The following ACSM4 variants were observed in gnomAD, a reference collection of about 807,000 sequenced individuals.
ACSM4 encodes the protein acyl-coenzyme A synthetase ACSM4, mitochondrial.
ACSM4 carries 66 observed loss-of-function variants against 73.0 expected under a neutral mutation model. That is an observed-to-expected ratio of 0.90 (90% CI 0.74 to 1.11). The LOEUF (loss-of-function observed/expected upper bound fraction) is 1.11, where lower values mean the gene tolerates loss of function less well. ACSM4 is among the 50% of genes least tolerant of loss of function. The pLI, the probability that ACSM4 is intolerant of heterozygous loss-of-function variation, is 0.00. For synonymous variants in ACSM4, 222 were observed against 254.0 expected (o/e 0.87, Z 1.20); for missense variants, 645 against 714.4 (o/e 0.90, Z 1.11).
intron 6 of ACSM4, 91 bp downstream of exon 6, chr12:7,320,895 C>G: frequency 9.1e-7 from 1 of 1,104,558 alleles, no homozygotes. Context: ...ATAGCTCAGG[C>G]TTTCTCAGTC....
intron 3 of ACSM4, among the ~76,000 whole-genome samples, chr12:7,316,112 A>C (rs148191165): frequency 6.6e-6 from 1 of 152,220 alleles, no homozygotes. Flanking sequence ...ATGGCATACA[A>C]GGATGATTTG....
chr12:7,321,885 A>T (rs1308039985), intron 6 of ACSM4, among the ~76,000 whole-genome samples: 1 of 152,226 alleles, frequency 6.6e-6, no homozygotes, highest in African/African-American at 2.4e-5. Flanking sequence ...AATGTAAGTG[A>T]CATGCTTGGT....
At chr12:7,317,545 A>G (rs1002665747) in intron 4 of ACSM4, among the ~76,000 whole-genome samples, 2 of 152,164 alleles carry the variant, frequency 1.3e-5, no homozygotes, top group Non-Finnish European at 2.9e-5. Flanking sequence ...AGGAAGGCCT[A>G]CCCAGAAAGG....
At position 7,310,539 on chromosome 12, in the gene ACSM4, G is replaced by T. The variant is rs371224562; in HGVS notation, c.413G>T (p.Gly138Val). 1 of 1,602,626 alleles carries T rather than the reference G, an allele frequency of 6.2e-7. No individual in the cohort carries two copies. The highest frequency in any genetic ancestry group is 8.5e-7 in the Non-Finnish European group (1 of 1,176,090). Residue 138 changes from glycine (G) to valine (V), a missense_variant and splice_region_variant, in exon 3 of 13, where the codon GGG (glycine) becomes GTG (valine). Transcript: ENST00000399422. Reference protein sequence around the residue: ...WLVNVACIRTGIIFMPGTIQL... With the variant: ...WLVNVACIRTVIIFMPGTIQL... ...GTGCAGGGCCCTCTGTCCTTCCCAG[G>T]GATCATCTTCATGCCGGGAACAATC...
intron 3 of ACSM4, among the ~76,000 whole-genome samples, chr12:7,316,804 AC>A (rs780164323): frequency 1.3e-4 from 20 of 152,242 alleles, no homozygotes; most frequent in Non-Finnish European, 2.4e-4. Context: ...AAACTCACAG[AC>A]TTTTTCTTAA....
intron 7 of ACSM4, 24 bp from the exon 8 acceptor site, chr12:7,323,210 A>G (rs1207528588): frequency 6.3e-7 from 1 of 1,581,662 alleles, no homozygotes. Context: ...TTGTATACTT[A>G]TACAAAGCTT....
rs1946525489 is a variant in ACSM4, at chr12:7,328,282, A to G, written c.1657-5A>G. On this transcript the variant is annotated splice_region_variant and splice_polypyrimidine_tract_variant and intron_variant, in intron 12 of 12. Transcript: ENST00000399422. ...TGTCTCATCACGTTTTTTTCTGTCAATTAGGTGGAATTTGTTCAAGAACTC... is the reference window on the plus strand; with the variant it reads ...TGTCTCATCACGTTTTTTTCTGTCAGTTAGGTGGAATTTGTTCAAGAACTC... 4 of 1,574,800 alleles carry G rather than the reference A, an allele frequency of 2.5e-6. No homozygotes were observed. The highest frequency in any genetic ancestry group is 2.7e-5 in the African/African-American group (2 of 74,168).
At chr12:7,326,190 T>C (rs1946503352) in intron 11 of ACSM4, among the ~76,000 whole-genome samples, 1 of 151,588 alleles carries the variant, frequency 6.6e-6, no homozygotes, top group Non-Finnish European at 1.5e-5. Flanking sequence ...TCCTGAGAGG[T>C]TTTTGGCTTT....
At chr12:7,313,713 G>A (rs1055874873) in intron 3 of ACSM4, among the ~76,000 whole-genome samples, 1 of 152,070 alleles carries the variant, frequency 6.6e-6, no homozygotes, top group South Asian at 2.1e-4. Context: ...TTCCAAGCAC[G>A]GGAACAGCAT....
chr12:7,323,526 C>T lies in ACSM4; in HGVS notation c.1274C>T (p.Pro425Leu). The change falls in exon 9 of 13, where the codon CCT (proline) becomes CTT (leucine). Residue 425 changes from proline (P) to leucine (L), a missense_variant. Pro to Leu is a moderately conservative substitution (Grantham distance 98). Coordinates refer to ENST00000399422, the MANE Select transcript of ACSM4 (RefSeq NM_001080454.2). Reference sequence around the variant, plus strand: ...GGGGAAATTGCCCTCAGACTCAAACCTACACGGCCCTTCTGTTTCTTCTCT... The same window carrying T: ...GGGGAAATTGCCCTCAGACTCAAACTTACACGGCCCTTCTGTTTCTTCTCT... ...KEGEIALRLKPTRPFCFFSKY... is the reference protein window; with the variant it reads ...KEGEIALRLKLTRPFCFFSKY... 6.2e-7 allele frequency: 1 copy of T among 1,613,820 alleles called. No individual in the cohort carries two copies.
chr12:7,328,166 T>A (rs553279418), intron 12 of ACSM4, 121 bp from the exon 13 acceptor site: 13 of 687,616 alleles, frequency 1.9e-5, no homozygotes, highest in Non-Finnish European at 2.9e-5. Context: ...TTCAATGAGC[T>A]TAGGCTAAGA....
At position 7,306,705 on chromosome 12, in the gene ACSM4, C is replaced by T; in HGVS notation, c.374C>T (p.Pro125Leu). 1 of 1,611,730 alleles carries T rather than the reference C, an allele frequency of 6.2e-7. No homozygotes were observed. The highest frequency in any genetic ancestry group is 8.5e-7 in the Non-Finnish European group (1 of 1,179,084). Residue 125 changes from proline to leucine, a missense_variant, in exon 2 of 13, where the codon CCT becomes CTT. Physicochemically the swap from Pro to Leu is moderately conservative, Grantham distance 98. Transcript: ENST00000399422. ...DRLAVILPRIPEWWLVNVACI... is the reference protein window; with the variant it reads ...DRLAVILPRILEWWLVNVACI... Reference sequence around the variant, plus strand: ...TTGGCCGTGATTCTGCCCAGAATCCCTGAGTGGTGGCTGGTCAATGTAGCT... The same window carrying T: ...TTGGCCGTGATTCTGCCCAGAATCCTTGAGTGGTGGCTGGTCAATGTAGCT...
intron 5 of ACSM4, among the ~76,000 whole-genome samples, chr12:7,319,294 C>A (rs768857317): frequency 1.3e-5 from 2 of 152,042 alleles, no homozygotes; most frequent in South Asian, 2.1e-4. Flanking sequence ...GGTGGTAATG[C>A]GGGCAATGGG....
At chr12:7,309,521 A>C (rs1415067841) in intron 2 of ACSM4, among the ~76,000 whole-genome samples, 2 of 152,250 alleles carry the variant, frequency 1.3e-5, no homozygotes, top group African/African-American at 4.8e-5. Flanking sequence ...AAGCATTAAA[A>C]GAATTGTAGT....
rs201768327 is a variant in ACSM4, at chr12:7,328,335, C to T, written c.1705C>T (p.Arg569Cys). The T allele has an allele frequency of 8.9e-4, 1,425 of 1,595,080 alleles. No homozygotes were observed. Among genetic ancestry groups the T allele is most frequent in the Non-Finnish European group, 1.1e-3 (1,343 of 1,170,254 alleles). ...AAAGACAATCACTGGGAAAATCAAA[C>T]GCAACGTTTTAAGAGACCAAGAATG... ...LPKTITGKIK[R>C]NVLRDQEWRG... The change falls in exon 13 of 13, where the codon CGC (arginine) becomes TGC (cysteine). Residue 569 changes from arginine to cysteine, a missense_variant. Arg to Cys is a radical substitution (Grantham distance 180). Transcript: ENST00000399422.
chr12:7,325,223 G>T (rs1946495053), intron 11 of ACSM4, among the ~76,000 whole-genome samples: 1 of 152,240 alleles, frequency 6.6e-6, no homozygotes, highest in African/African-American at 2.4e-5. Flanking sequence ...AGAAGTTAGG[G>T]TAATACTCCA....
rs771343315 is a variant in ACSM4 at position 7,312,209 on chromosome 12, T to C, written c.620+1463T>C. ...AGACTTTGTTTGGTTGATCTTCCTG[T>C]CTCCAGTTCCTAACACATAAATGGT... On this transcript the variant is annotated intron_variant, in intron 3 of 12. Transcript: ENST00000399422. Among the ~76,000 whole-genome samples the C allele has an allele frequency of 1.7e-3, 265 of 152,324 alleles. 1 individual carries two copies. Among genetic ancestry groups the C allele is most frequent in the African/African-American group, 6.1e-3 (255 of 41,582 alleles).
intron 2 of ACSM4, among the ~76,000 whole-genome samples, chr12:7,308,628 A>C (rs1050231260): frequency 6.6e-6 from 1 of 152,226 alleles, no homozygotes; most frequent in Non-Finnish European, 1.5e-5. Context: ...ATTATTTGTA[A>C]GTCATTAAGA....
chr12:7,324,242 C>A, intron 9 of ACSM4, 31 bp from the exon 10 acceptor site: 1 of 1,608,606 alleles, frequency 6.2e-7, no homozygotes, highest in African/African-American at 1.3e-5. Flanking sequence ...TCTGACCAGA[C>A]TAATCCCCAA....
Sources: gnomAD v4.1 joint callset for allele counts (sites outside exome capture counted in the v4.1 genomes callset) on GRCh38, gnomAD v4.1.1 for gene constraint, MANE v1.5 for transcripts, NCBI Gene and HGNC (gene_info 2026-07-23, HGNC 2026-07-21) for gene names.